RNF144A: variants seen among roughly 807,000 people sequenced by gnomAD.
The protein encoded by RNF144A is E3 ubiquitin-protein ligase RNF144A.
Under a neutral mutation model 38.7 loss-of-function variants are expected in RNF144A, and 11 were observed. The observed-to-expected ratio is 0.28, with a 90% CI of 0.18 to 0.47. The LOEUF is 0.47. Among genes scored for constraint, RNF144A ranks in the 20% least tolerant of loss-of-function variants. The pLI is 0.99. For synonymous variants in RNF144A, 149 were observed against 143.9 expected (o/e 1.04, Z -0.25); for missense variants, 316 against 377.2 (o/e 0.84, Z 1.34).
chr2:6,954,673 C>T (rs1413535033), intron 2 of RNF144A, among the ~76,000 whole-genome samples: 1 of 152,166 alleles, frequency 6.6e-6, no homozygotes, highest in African/African-American at 2.4e-5. Context: ...ATAGGTTTTT[C>T]ATGACACTTA....
chr2:6,995,678 C>T (rs1460586786), intron 2 of RNF144A, among the ~76,000 whole-genome samples: 1 of 152,234 alleles, frequency 6.6e-6, no homozygotes, highest in East Asian at 1.9e-4. Context: ...CCAGTCTTTC[C>T]ATGTTTTTCT....
chr2:7,045,064 C>T (rs547759513), downstream of RNF144A, among the ~76,000 whole-genome samples: 35 of 152,330 alleles, frequency 2.3e-4, no homozygotes, highest in Admixed American at 7.8e-4. Context: ...GTCCAGAGGA[C>T]GCCATGTATG....
intron 7 of RNF144A, among the ~76,000 whole-genome samples, chr2:7,026,413 AT>A (rs1671896889): frequency 6.6e-6 from 1 of 151,526 alleles, no homozygotes; most frequent in East Asian, 1.9e-4. Context: ...CCTCAAGGGG[AT>A]TTGTGGAGTG....
chr2:7,023,216 A>G (rs1328366152), intron 6 of RNF144A, among the ~76,000 whole-genome samples: 1 of 152,194 alleles, frequency 6.6e-6, no homozygotes, highest in Non-Finnish European at 1.5e-5. Context: ...CCTTCTACTA[A>G]TGGACCAAAC....
intron 6 of RNF144A, among the ~76,000 whole-genome samples, chr2:7,067,954 G>C (rs1276566792): frequency 6.6e-6 from 1 of 152,162 alleles, no homozygotes; most frequent in Non-Finnish European, 1.5e-5. Context: ...CAAGAATCCT[G>C]TTAGATTTCT....
chr2:6,920,004 TCA>T (rs1664430271), intron 1 of RNF144A, among the ~76,000 whole-genome samples: 2 of 152,206 alleles, frequency 1.3e-5, no homozygotes, highest in Non-Finnish European at 2.9e-5. Flanking sequence ...CTAGAGTAAG[TCA>T]CGTCTCCTGG....
intron 6 of RNF144A, among the ~76,000 whole-genome samples, chr2:7,062,454 T>C (rs1673995818): frequency 7.1e-6 from 1 of 141,800 alleles, no homozygotes; most frequent in Admixed American, 7.4e-5. Context: ...ACGGAGGTCA[T>C]GTAATCAAGT....
intron 6 of RNF144A, among the ~76,000 whole-genome samples, chr2:7,050,371 G>A (rs1673472823): frequency 6.6e-6 from 1 of 152,182 alleles, no homozygotes; most frequent in Non-Finnish European, 1.5e-5. Flanking sequence ...TTCACCTTCT[G>A]CCATGATTGT....
At chr2:7,024,952 A>G (rs942031140) in intron 7 of RNF144A, among the ~76,000 whole-genome samples, 12 of 141,426 alleles carry the variant, frequency 8.5e-5, no homozygotes, top group African/African-American at 3.0e-4. Context: ...CCTGATCAGG[A>G]CTCCTTCCTG....
chr2:6,930,096 G>A (rs1038965308), intron 1 of RNF144A, among the ~76,000 whole-genome samples: 3 of 152,220 alleles, frequency 2.0e-5, no homozygotes, highest in Non-Finnish European at 2.9e-5. Flanking sequence ...GATACTAAAT[G>A]TGGAGAAAAA....
intron 2 of RNF144A, among the ~76,000 whole-genome samples, chr2:6,955,161 A>C (rs1198993686): frequency 6.6e-6 from 1 of 152,236 alleles, no homozygotes; most frequent in Non-Finnish European, 1.5e-5. Context: ...GTTGTGTGCA[A>C]ATATGAACAC....
At chr2:7,003,909 G>A (rs1670277680) in intron 3 of RNF144A, among the ~76,000 whole-genome samples, 1 of 152,238 alleles carries the variant, frequency 6.6e-6, no homozygotes, top group Non-Finnish European at 1.5e-5. Flanking sequence ...TGGCTATTGT[G>A]TGGGGACCAC....
intron 8 of RNF144A, among the ~76,000 whole-genome samples, chr2:7,034,896 C>A (rs1280826211): frequency 6.6e-6 from 1 of 152,118 alleles, no homozygotes; most frequent in Admixed American, 6.5e-5. Context: ...GGGGCAGAGT[C>A]GTGATTGGCC....
chr2:6,933,947 TTTTTTGTTTTTG>T (rs988815050), intron 1 of RNF144A, among the ~76,000 whole-genome samples: 1 of 152,138 alleles, frequency 6.6e-6, no homozygotes, highest in African/African-American at 2.4e-5. Context: ...GCTTCCAGGG[TTTTTTGTTTTTG>T]TTTTTGTTTT....
At chr2:6,925,702 C>A (rs1664813174) in intron 1 of RNF144A, among the ~76,000 whole-genome samples, 2 of 152,178 alleles carry the variant, frequency 1.3e-5, no homozygotes, top group South Asian at 4.1e-4. Context: ...TGGGGGTGCA[C>A]CTCTTCTCAC....
chr2:6,986,432 T>C (rs1668970632), intron 2 of RNF144A, among the ~76,000 whole-genome samples: 1 of 152,116 alleles, frequency 6.6e-6, no homozygotes, highest in South Asian at 2.1e-4. Context: ...AGACAGCCAT[T>C]GTGCCGGGCC....
At chr2:6,949,223 A>T (rs1054609029) in intron 2 of RNF144A, among the ~76,000 whole-genome samples, 4 of 152,220 alleles carry the variant, frequency 2.6e-5, no homozygotes, top group Non-Finnish European at 5.9e-5. Context: ...CTGCTGTTAA[A>T]CATTTCTTCA....
rs113063389 is a variant in RNF144A at position 6,932,576 on chromosome 2, AC to A, written c.-211-8371del. ...TGTTTTATCTCACCATTCTAAATAA[AC>A]TATTTTTTTCCTGTGGTAATGCCTC... is the stretch of plus-strand genomic sequence containing the variant. On this transcript the variant is annotated intron_variant, in intron 1 of 8. Coordinates refer to ENST00000320892, the MANE Select transcript of RNF144A (RefSeq NM_014746.6). Among the ~76,000 whole-genome samples the A allele has an allele frequency of 5.3e-3, 804 of 152,236 alleles. 10 individuals carry two copies. The highest frequency in any genetic ancestry group is 0.019 in the African/African-American group (773 of 41,534).
chr2:6,941,143 C>T lies in RNF144A; in HGVS notation c.-16C>T, dbSNP rs1199175021. On this transcript the variant is annotated 5_prime_UTR_variant, in exon 2 of 9. Coordinates refer to ENST00000320892, the MANE Select transcript of RNF144A (RefSeq NM_014746.6). The surrounding 1 kb of genome is among the most constrained non-coding windows in gnomAD (Gnocchi z 6.5). ...TTCCTCTCCTCCCCTCTGGATTTCT[C>T]AGAGGTAACTTTGAATTCGGAAAAT... is the stretch of plus-strand genomic sequence containing the variant. 2 of 152,192 alleles carry T rather than the reference C, an allele frequency of 1.3e-5. No homozygotes were observed. The highest frequency in any genetic ancestry group is 2.9e-5 in the Non-Finnish European group (2 of 68,048). 9.4% of individuals were successfully genotyped at this position (152,192 alleles called of 1,614,324 possible). A position where few individuals can be genotyped will look rare whatever the true frequency, so the allele number is the denominator to read the frequency against.
Sources: gnomAD v4.1 joint callset for allele counts (sites outside exome capture counted in the v4.1 genomes callset) on GRCh38, gnomAD v4.1.1 for gene constraint, Gnocchi (gnomAD v3.1) non-coding constraint, MANE v1.5 for transcripts, NCBI Gene and HGNC (gene_info 2026-07-23, HGNC 2026-07-21) for gene names.